TRPC4: variants seen among roughly 807,000 people sequenced by gnomAD.
The protein encoded by TRPC4 is transient receptor potential cation channel subfamily C member 4.
Under a neutral mutation model 99.4 loss-of-function variants are expected in TRPC4, and 49 were observed. That is an observed-to-expected ratio of 0.49 (90% CI 0.39 to 0.63). TRPC4 has a LOEUF of 0.63. Among genes scored for constraint, TRPC4 ranks in the 20% least tolerant of loss-of-function variants. TRPC4 has a pLI of 0.00. For synonymous variants in TRPC4, 454 were observed against 425.9 expected (o/e 1.07, Z -0.81); for missense variants, 898 against 1,152.9 (o/e 0.78, Z 3.20).
chr13:37,755,897 A>T (rs1334780517), intron 2 of TRPC4, among the ~76,000 whole-genome samples: 1 of 152,090 alleles, frequency 6.6e-6, no homozygotes, highest in East Asian at 1.9e-4. Flanking sequence ...CTTCAATAAA[A>T]ATGTGCTAAG....
At chr13:37,759,630 G>T (rs760365577) in intron 2 of TRPC4, among the ~76,000 whole-genome samples, 55 of 151,598 alleles carry the variant, frequency 3.6e-4, no homozygotes, top group Non-Finnish European at 7.2e-4. Context: ...AAGAAATGAT[G>T]ATTTTTCTCA....
At chr13:37,742,081 A>G (rs1955609084) in intron 3 of TRPC4, among the ~76,000 whole-genome samples, 1 of 152,188 alleles carries the variant, frequency 6.6e-6, no homozygotes, top group Admixed American at 6.5e-5. Flanking sequence ...ATATATGATC[A>G]GTACAATTGC....
chr13:37,754,699 A>T (rs1461396512), intron 2 of TRPC4, among the ~76,000 whole-genome samples: 1 of 152,152 alleles, frequency 6.6e-6, no homozygotes, highest in Non-Finnish European at 1.5e-5. Context: ...GTAACTAACC[A>T]TAAGGTTGCT....
rs572026157 is a variant in TRPC4, at chr13:37,686,422, C to CGT, written c.1234+5575_1234+5576dup. Among the ~76,000 whole-genome samples the CGT allele has an allele frequency of 9.9e-3, 1,483 of 149,112 alleles. 20 individuals are homozygous for CGT. Among genetic ancestry groups the CGT allele is most frequent in the African/African-American group, 0.033 (1,345 of 40,744 alleles). On this transcript the variant is annotated intron_variant, in intron 4 of 10. Coordinates refer to ENST00000379705, the MANE Select transcript of TRPC4 (RefSeq NM_016179.4). Reference sequence around the variant, plus strand: ...AAAACCATAACTGGTTATACGTATACGTGTGTGTGTGTGTGTGTATACACA... The same window carrying CGT: ...AAAACCATAACTGGTTATACGTATACGTGTGTGTGTGTGTGTGTGTATACACA...
intron 1 of TRPC4, among the ~76,000 whole-genome samples, chr13:37,818,555 T>C (rs1300140021): frequency 1.3e-5 from 2 of 152,136 alleles, no homozygotes; most frequent in Non-Finnish European, 2.9e-5. Context: ...CCAACCCAAA[T>C]GCTCATCAAT....
chr13:37,770,879 C>T (rs1956534333), intron 2 of TRPC4, among the ~76,000 whole-genome samples: 1 of 151,548 alleles, frequency 6.6e-6, no homozygotes, highest in Non-Finnish European at 1.5e-5. Flanking sequence ...ACACTTTTCC[C>T]CAAACCACGA....
chr13:37,848,466 C>T (rs1958966268), intron 1 of TRPC4, among the ~76,000 whole-genome samples: 2 of 152,072 alleles, frequency 1.3e-5, no homozygotes, highest in African/African-American at 2.4e-5. Flanking sequence ...GAAGGAATTC[C>T]GATTCCTGAC....
intron 2 of TRPC4, among the ~76,000 whole-genome samples, chr13:37,758,040 G>A (rs1956137955): frequency 6.6e-6 from 1 of 151,764 alleles, no homozygotes; most frequent in Admixed American, 6.6e-5. Flanking sequence ...AGGGGTAATT[G>A]GCGTATTCAC....
chr13:37,760,097 C>G (rs531411388), intron 2 of TRPC4, among the ~76,000 whole-genome samples: 1 of 151,970 alleles, frequency 6.6e-6, no homozygotes, highest in Non-Finnish European at 1.5e-5. Context: ...TATAAAGATT[C>G]CTTATTTTAG....
chr13:37,740,102 C>G (rs1399772061), intron 3 of TRPC4, among the ~76,000 whole-genome samples: 2 of 152,116 alleles, frequency 1.3e-5, no homozygotes, highest in Non-Finnish European at 2.9e-5. Flanking sequence ...CCAACACCAA[C>G]CCAAGGTCCT....
At chr13:37,690,234 A>G (rs1312745190) in intron 4 of TRPC4, among the ~76,000 whole-genome samples, 1 of 152,236 alleles carries the variant, frequency 6.6e-6, no homozygotes, top group Admixed American at 6.5e-5. Flanking sequence ...TACCTTTAAT[A>G]CCAACTGCAA....
intron 3 of TRPC4, among the ~76,000 whole-genome samples, chr13:37,711,884 G>A (rs1366543241): frequency 1.3e-5 from 2 of 151,520 alleles, no homozygotes; most frequent in Non-Finnish European, 2.9e-5. Context: ...TTTAATAATG[G>A]CATTTAACAT....
In TRPC4 at chr13:37,746,242, T is replaced by G; in HGVS notation, c.592A>C (p.Asn198His). The G allele has an allele frequency of 6.2e-7, 1 of 1,613,824 alleles. No homozygotes were observed. Among genetic ancestry groups the G allele is most frequent in the South Asian group, 1.1e-5 (1 of 91,084 alleles). ...GGACTGGCCAAGGCCTTGTAGATGTTGAGTCTGGAGCGTGAGTGACGGAGG... is the reference window on the plus strand; with the variant it reads ...GGACTGGCCAAGGCCTTGTAGATGTGGAGTCTGGAGCGTGAGTGACGGAGG... Reference protein sequence around the residue: ...DSLRHSRSRLNIYKALASPSL... With the variant: ...DSLRHSRSRLHIYKALASPSL... The change falls in exon 3 of 11, where the codon AAC becomes CAC. Residue 198 changes from asparagine (N) to histidine (H), a missense_variant. Asn to His is a moderately conservative substitution (Grantham distance 68). Around this residue, in one of 3 missense-constraint regions of TRPC4, gnomAD observed 278 missense variants for 346.6 expected, o/e 0.80. Coordinates refer to ENST00000379705, the MANE Select transcript of TRPC4 (RefSeq NM_016179.4).
intron 3 of TRPC4, among the ~76,000 whole-genome samples, chr13:37,704,227 G>A (rs1222069242): frequency 6.6e-6 from 1 of 152,168 alleles, no homozygotes; most frequent in Admixed American, 6.6e-5. Context: ...GTGCAAGGAA[G>A]AATTATAAAA....
chr13:37,651,512 C>T, intron 7 of TRPC4, 53 bp from the exon 8 acceptor site: 1 of 1,525,332 alleles, frequency 6.6e-7, no homozygotes, highest in Non-Finnish European at 9.1e-7. Context: ...AACAAGGTAC[C>T]ATAAATCTCA....
intron 4 of TRPC4, 122 bp downstream of exon 4, chr13:37,691,877 T>C: frequency 1.0e-6 from 1 of 970,212 alleles, no homozygotes; most frequent in Non-Finnish European, 1.5e-6. Context: ...TTCTTGGAGC[T>C]ACAATAGTCA....
In TRPC4 at chr13:37,632,223, A is replaced by G. The variant is rs1951411158; in HGVS notation, c.*4680T>C. Among the ~76,000 whole-genome samples, 3 of 152,360 alleles carry G rather than the reference A, an allele frequency of 2.0e-5. No individual in the cohort carries two copies. In the South Asian group the frequency reaches 6.2e-4, roughly 32 times the overall value. On this transcript the variant is annotated 3_prime_UTR_variant, in exon 11 of 11. Coordinates refer to ENST00000379705, the MANE Select transcript of TRPC4 (RefSeq NM_016179.4). ...GCACTGTCCAATAGAAATGTATTGC[A>G]AGGCACAAATGCAAGCCACATACGT...
chr13:37,679,023 A>C (rs1167806651), intron 4 of TRPC4, among the ~76,000 whole-genome samples: 1 of 152,174 alleles, frequency 6.6e-6, no homozygotes, highest in East Asian at 1.9e-4. Flanking sequence ...AAAATTTAAC[A>C]TGCATTCATG....
At chr13:37,787,034 A>C (rs895160823) in intron 1 of TRPC4, among the ~76,000 whole-genome samples, 2 of 151,982 alleles carry the variant, frequency 1.3e-5, no homozygotes, top group African/African-American at 4.8e-5. Context: ...ATACAACCAA[A>C]AATTTTAGAT....
Sources: gnomAD v4.1 joint callset for allele counts (sites outside exome capture counted in the v4.1 genomes callset) on GRCh38, gnomAD v4.1.1 for gene constraint, gnomAD v4.1.1 regional missense constraint, MANE v1.5 for transcripts, NCBI Gene and HGNC (gene_info 2026-07-23, HGNC 2026-07-21) for gene names.